Variants in PYGL observed in about 807,000 individuals in gnomAD.
PYGL encodes glycogen phosphorylase, liver form.
In PYGL, 90 loss-of-function variants were observed where a neutral mutation model predicts 100.1. The observed-to-expected ratio is 0.90, with a 90% CI of 0.76 to 1.07. The LOEUF is 1.07. Among genes scored for constraint, PYGL ranks in the 50% least tolerant of loss-of-function variants. PYGL has a pLI of 0.00. For missense variants in PYGL, 1,016 were observed against 1,057.6 expected, an observed-to-expected ratio of 0.96 and a Z score of 0.55; for synonymous variants, 373 against 393.0, an observed-to-expected ratio of 0.95 and a Z score of 0.60.
intron 19 of PYGL, among the ~76,000 whole-genome samples, chr14:50,906,300 T>C (rs2050336002): frequency 6.6e-6 from 1 of 152,200 alleles, no homozygotes; most frequent in South Asian, 2.1e-4. Flanking sequence ...TTATAAATGC[T>C]TACGAGAAAG....
In PYGL at chr14:50,916,664, A is replaced by G. The variant is rs541649127; in HGVS notation, c.1070T>C (p.Ile357Thr). ...IPELMRIFVD[I>T]EKLPWSKAWE... ...GACCTTGGACCAGGGCAGTTTTTCAATATCCACAAAAATCCTCATCAGCTC... is the reference window on the plus strand; with the variant it reads ...GACCTTGGACCAGGGCAGTTTTTCAGTATCCACAAAAATCCTCATCAGCTC... The change falls in exon 9 of 20, where the codon ATT becomes ACT. Residue 357 changes from isoleucine (I) to threonine (T), a missense_variant. Physicochemically the swap from Ile to Thr is moderately conservative, Grantham distance 89 (BLOSUM62 -1). Transcript: ENST00000216392. 1.1e-5 allele frequency: 18 copies of G among 1,614,036 alleles called. No individual in the cohort carries two copies. In the African/African-American group the frequency reaches 2.1e-4, roughly 19 times the overall value.
intron 7 of PYGL, among the ~76,000 whole-genome samples, chr14:50,917,671 ACC>A (rs2050466281): frequency 7.3e-6 from 1 of 137,826 alleles, no homozygotes; most frequent in Non-Finnish European, 1.7e-5. Context: ...CGTGTGGAGA[ACC>A]ACAACTAGCT....
chr14:50,944,104 C>A (rs2050726494), intron 1 of PYGL, 57 bp downstream of exon 1: 23 of 1,546,134 alleles, frequency 1.5e-5, no homozygotes, highest in Middle Eastern at 2.1e-4. Context: ...CGCCCGGCCG[C>A]GGCCGGAGAC....
At chr14:50,927,763 G>A (rs557282469) in intron 4 of PYGL, among the ~76,000 whole-genome samples, 12 of 152,272 alleles carry the variant, frequency 7.9e-5, no homozygotes, top group Admixed American at 2.0e-4. Context: ...AGAAACAAGC[G>A]TTTCATAACA....
intron 13 of PYGL, 53 bp from the exon 14 acceptor site, chr14:50,912,356 G>C: frequency 6.3e-7 from 1 of 1,595,490 alleles, no homozygotes; most frequent in Non-Finnish European, 8.6e-7. Context: ...AGAATTGGGT[G>C]GTCTGGTTTT....
At position 50,921,042 on chromosome 14, in the gene PYGL, G is replaced by T. The variant is rs747888816; in HGVS notation, c.686C>A (p.Thr229Asn). 2 of 1,614,148 alleles carry T rather than the reference G, an allele frequency of 1.2e-6. No individual in the cohort carries two copies. Among genetic ancestry groups the T allele is most frequent in the East Asian group, 4.5e-5 (2 of 44,888 alleles). The change falls in exon 6 of 20, where the codon ACC (threonine) becomes AAC (asparagine). Residue 229 changes from threonine (T) to asparagine (N), a missense_variant. Physicochemically the swap from Thr to Asn is moderately conservative, Grantham distance 65. Transcript: ENST00000216392. ...GTTATTCATGTAGCCGGGCACGGGG[G>T]TGTCATATGGCAGAGCCAGGACCAC... Reference protein sequence around the residue: ...TQVVLALPYDTPVPGYMNNTV... With the variant: ...TQVVLALPYDNPVPGYMNNTV...
intron 16 of PYGL, among the ~76,000 whole-genome samples, chr14:50,910,600 C>T (rs749002638): frequency 3.9e-5 from 6 of 152,108 alleles, no homozygotes; most frequent in Non-Finnish European, 7.4e-5. Flanking sequence ...CAATTACAAG[C>T]GAGCACCACC....
chr14:50,926,597 GCA>G (rs2050549749), intron 4 of PYGL, among the ~76,000 whole-genome samples: 1 of 150,836 alleles, frequency 6.6e-6, no homozygotes, highest in Admixed American at 6.6e-5. Context: ...ATGGTGGCGG[GCA>G]CCTGTAATCC....
At chr14:50,929,518 C>T (rs538103207) in intron 4 of PYGL, among the ~76,000 whole-genome samples, 8 of 151,990 alleles carry the variant, frequency 5.3e-5, no homozygotes, top group African/African-American at 4.8e-5. Flanking sequence ...TAACAGTGAC[C>T]CTTCATAAAA....
At position 50,931,737 on chromosome 14, in the gene PYGL, G is replaced by T. The variant is rs1286201198; in HGVS notation, c.464C>A (p.Ala155Asp). 6.2e-7 allele frequency: 1 copy of T among 1,613,856 alleles called. No homozygotes were observed. Residue 155 changes from alanine (A) to aspartate (D), a missense_variant, in exon 4 of 20, where the codon GCC becomes GAC. By Grantham distance (126) the Ala-to-Asp change is moderately radical. Coordinates refer to ENST00000216392, the MANE Select transcript of PYGL (RefSeq NM_002863.5). The part of the protein sequence containing the change: ...LDSMATLGLA[A>D]YGYGIRYEYG... ...TTCATACCGAATGCCGTATCCATAG[G>T]CTGCAAGTCCCAGGGTTGCCATGGA...
intron 4 of PYGL, among the ~76,000 whole-genome samples, chr14:50,927,400 T>G (rs2050560549): frequency 6.6e-6 from 1 of 152,102 alleles, no homozygotes; most frequent in Non-Finnish European, 1.5e-5. Flanking sequence ...AATTTTTGTA[T>G]TTTTAGTAGA....
Position 50,943,463 on chromosome 14 carries a change from G to A in PYGL, c.243+698C>T, listed in dbSNP as rs1596056372. ...AGCTCTGGGGGCAGGCCTCGGGTGT[G>A]GAAGGGCTAAGGGTCGGGGGAGTGT... is the stretch of plus-strand genomic sequence containing the variant. On this transcript the variant is annotated intron_variant, in intron 1 of 19. Coordinates refer to ENST00000216392, the MANE Select transcript of PYGL (RefSeq NM_002863.5). Among the ~76,000 whole-genome samples, 8 of 152,394 alleles carry A rather than the reference G, an allele frequency of 5.2e-5. 1 individual carries two copies. The Middle Eastern group carries it at 0.027, about 518-fold the overall frequency.
In PYGL at chr14:50,935,089, ACT is replaced by A; in HGVS notation, c.424+16_424+17del. On this transcript the variant is annotated intron_variant, in intron 3 of 19. Coordinates refer to ENST00000216392, the MANE Select transcript of PYGL (RefSeq NM_002863.5). Reference sequence around the variant, plus strand: ...TTCAATCGGCCAGACAATATAATACACTCACAATGTCACTTACCAGCAAGTCT... The same window carrying A: ...TTCAATCGGCCAGACAATATAATACACACAATGTCACTTACCAGCAAGTCT... The A allele has an allele frequency of 6.3e-7, 1 of 1,588,670 alleles. No homozygotes were observed. Among genetic ancestry groups the A allele is most frequent in the South Asian group, 1.1e-5 (1 of 90,474 alleles).
intron 1 of PYGL, among the ~76,000 whole-genome samples, chr14:50,941,873 G>A (rs2050705092): frequency 6.6e-6 from 1 of 152,158 alleles, no homozygotes; most frequent in Non-Finnish European, 1.5e-5. Context: ...GTGAGACTCT[G>A]TCACAAAACA....
intron 4 of PYGL, among the ~76,000 whole-genome samples, chr14:50,925,680 A>T (rs962830072): frequency 6.6e-6 from 1 of 152,246 alleles, no homozygotes; most frequent in Non-Finnish European, 1.5e-5. Flanking sequence ...TCACTTATTC[A>T]AATTTTGATA....
Position 50,939,188 on chromosome 14 carries a change from C to T in PYGL, c.244-1351G>A, listed in dbSNP as rs1008518364. On this transcript the variant is annotated intron_variant, in intron 1 of 19. Coordinates refer to ENST00000216392, the MANE Select transcript of PYGL (RefSeq NM_002863.5). ...AGTAGCTGAGACTACAGGCGCCTGC[C>T]ACCATGCCCAGCTAATTTTTGTATT... 2.0e-5 allele frequency among the ~76,000 whole-genome samples: 3 copies of T among 152,166 alleles called. No homozygotes were observed. The East Asian group carries it at 5.8e-4, about 29-fold the overall frequency.
At chr14:50,940,085 C>G (rs1465907121) in intron 1 of PYGL, among the ~76,000 whole-genome samples, 1 of 152,110 alleles carries the variant, frequency 6.6e-6, no homozygotes, top group African/African-American at 2.4e-5. Context: ...TATTAGATAC[C>G]TTCGAATGAT....
At position 50,941,056 on chromosome 14, in the gene PYGL, G is replaced by A. The variant is rs2050697907; in HGVS notation, c.243+3105C>T. Among the ~76,000 whole-genome samples the A allele has an allele frequency of 2.0e-5, 3 of 152,198 alleles. No individual in the cohort carries two copies. The South Asian group carries it at 6.2e-4, about 31-fold the overall frequency. ...GGAAGAACAGGCCCACCTGGACTGA[G>A]AAGTGCTTTCGAATACTTGCTTAAG... On this transcript the variant is annotated intron_variant, in intron 1 of 19. Transcript: ENST00000216392.
Position 50,920,634 on chromosome 14 carries a change from G to A in PYGL, c.773-11C>T, listed in dbSNP as rs772040969. 2 of 1,599,032 alleles carry A rather than the reference G, an allele frequency of 1.3e-6. No homozygotes were observed. The highest frequency in any genetic ancestry group is 1.7e-5 in the Admixed American group (1 of 59,968). On this transcript the variant is annotated splice_polypyrimidine_tract_variant and intron_variant, in intron 6 of 19. Transcript: ENST00000216392. ...AGTCTCCAACATTAACTAGGGGAAA[G>A]TTAGAGAAACAATAAATAGAGAAAC...
Sources: gnomAD v4.1 joint callset for allele counts (sites outside exome capture counted in the v4.1 genomes callset) on GRCh38, gnomAD v4.1.1 for gene constraint, MANE v1.5 for transcripts, NCBI Gene and HGNC (gene_info 2026-07-23, HGNC 2026-07-21) for gene names.